CENPH: variants seen among roughly 807,000 people sequenced by gnomAD.
The protein encoded by CENPH is CENP-H.
Under a neutral mutation model 42.9 loss-of-function variants are expected in CENPH, and 40 were observed. The ratio of observed to expected loss-of-function variants is 0.93; its 90% CI spans 0.72 to 1.21. The LOEUF (loss-of-function observed/expected upper bound fraction) is 1.21. CENPH is among the 50% of genes most tolerant of loss of function. The pLI, the probability that CENPH is intolerant of heterozygous loss-of-function variation, is 0.00. For synonymous variants in CENPH, 88 were observed against 96.5 expected (o/e 0.91, Z 0.52); for missense variants, 302 against 292.9 (o/e 1.03, Z -0.23).
intron 4 of CENPH, among the ~76,000 whole-genome samples, chr5:69,196,402 C>T (rs1437200298): frequency 6.6e-6 from 1 of 152,020 alleles, no homozygotes; most frequent in African/African-American, 2.4e-5. Context: ...CCCAGCACTT[C>T]GGGAGGCCAA....
rs747700391 is a variant in CENPH, at chr5:69,191,819, A to G, written c.159A>G (p.Gln53=). ...LLRLRAQTKQ[Q]LLEYKSMVDA... is the part of the protein sequence containing the mutation. ...GGCTGAGAGCACAGACAAAACAACA[A>G]CTCTTAGAATATAAATCAATGGTTG... Residue 53 remains glutamine (Q), a synonymous_variant, in exon 2 of 9, where the codon CAA becomes CAG. Coordinates refer to ENST00000283006, the MANE Select transcript of CENPH (RefSeq NM_022909.4). 7 of 1,553,448 alleles carry G rather than the reference A, an allele frequency of 4.5e-6. No homozygotes were observed. The East Asian group carries it at 1.3e-4, about 30-fold the overall frequency.
chr5:69,202,783 T>G, intron 6 of CENPH, 136 bp from the exon 7 acceptor site: 1 of 645,634 alleles, frequency 1.5e-6, no homozygotes, highest in Non-Finnish European at 2.7e-6. Context: ...GTCTTCCTTT[T>G]GCTGTCTGGA....
intron 7 of CENPH, among the ~76,000 whole-genome samples, chr5:69,207,371 T>G (rs1266901719): frequency 6.6e-6 from 1 of 151,834 alleles, no homozygotes; most frequent in Non-Finnish European, 1.5e-5. Flanking sequence ...GTATTTTTCA[T>G]AGAGATGGGG....
intron 5 of CENPH, among the ~76,000 whole-genome samples, chr5:69,197,718 G>A (rs1015143903): frequency 6.6e-6 from 1 of 151,554 alleles, no homozygotes; most frequent in Non-Finnish European, 1.5e-5. Flanking sequence ...CGAGTTAATG[G>A]GTGCAGCACA....
chr5:69,194,936 TA>T (rs1243486203), intron 3 of CENPH, among the ~76,000 whole-genome samples: 18 of 140,716 alleles, frequency 1.3e-4, no homozygotes, highest in African/African-American at 4.8e-4. Flanking sequence ...TTTTTTTTTT[TA>T]AATATTTTAG....
chr5:69,192,070 G>A (rs1747882109), intron 2 of CENPH, among the ~76,000 whole-genome samples: 1 of 151,956 alleles, frequency 6.6e-6, no homozygotes. Flanking sequence ...TATTTTTTTT[G>A]TAGACACAGG....
chr5:69,194,752 C>A, intron 3 of CENPH, 57 bp downstream of exon 3: 1 of 1,135,464 alleles, frequency 8.8e-7, no homozygotes, highest in Non-Finnish European at 1.3e-6. Flanking sequence ...ATCATATTTT[C>A]TATTATTTTG....
At chr5:69,193,464 T>TA (rs552655667) in intron 2 of CENPH, among the ~76,000 whole-genome samples, 2 of 151,050 alleles carry the variant, frequency 1.3e-5, no homozygotes, top group Admixed American at 1.3e-4. Flanking sequence ...CCCCCACCTC[T>TA]AAAAAAAACA....
At chr5:69,200,611 C>T (rs1748041179) in intron 5 of CENPH, among the ~76,000 whole-genome samples, 1 of 150,768 alleles carries the variant, frequency 6.6e-6, no homozygotes, top group African/African-American at 2.4e-5. Flanking sequence ...TTGACCTTCT[C>T]AGTTAGTTGC....
rs370130299 is a variant in CENPH at position 69,189,583 on chromosome 5, C to T, written c.-52C>T. The T allele has an allele frequency of 1.1e-5, 16 of 1,504,208 alleles. No homozygotes were observed. Among genetic ancestry groups the T allele is most frequent in the East Asian group, 7.7e-5 (3 of 39,098 alleles). The allele number at this position is 1,504,208 out of a possible 1,614,324, so 93.2% of individuals were successfully genotyped here. A position where few individuals can be genotyped will look rare whatever the true frequency, so the allele number is the denominator to read the frequency against. ...TCCATTTAGTGGCGGGAAAAGCGAC[C>T]TTTTCTGAGCGCGTTTGCCTGTTGA... is the stretch of plus-strand genomic sequence containing the variant. On this transcript the variant is annotated 5_prime_UTR_variant, in exon 1 of 9. Coordinates refer to ENST00000283006, the MANE Select transcript of CENPH (RefSeq NM_022909.4).
At chr5:69,191,642 G>T (rs1747873837) in intron 1 of CENPH, among the ~76,000 whole-genome samples, 153 bp from the exon 2 acceptor site, 1 of 152,082 alleles carries the variant, frequency 6.6e-6, no homozygotes, top group Non-Finnish European at 1.5e-5. Context: ...ATAAAATGAG[G>T]CCAAATTAGA....
chr5:69,190,552 C>T (rs1195266024), intron 1 of CENPH, among the ~76,000 whole-genome samples: 1 of 152,114 alleles, frequency 6.6e-6, no homozygotes, highest in African/African-American at 2.4e-5. Flanking sequence ...ATTTGCGGTC[C>T]TCTGTTCTAT....
At position 69,202,564 on chromosome 5, in the gene CENPH, C is replaced by T; in HGVS notation, c.430C>T (p.Gln144Ter). ...LELNKLIMKS[Q>*]QESWDLEEKL... Reference sequence around the variant, plus strand: ...GCTAAATAAATTAATAATGAAATCACAGCAGGTAAACTTACACATTAGGCT... The same window carrying T: ...GCTAAATAAATTAATAATGAAATCATAGCAGGTAAACTTACACATTAGGCT... The change falls in exon 6 of 9, where the codon CAG becomes TAG. Residue 144 changes from glutamine (Q) to a stop codon, truncating the protein, a stop_gained. Transcript: ENST00000283006. LOFTEE classifies it high-confidence loss of function. The T allele has an allele frequency of 6.5e-7, 1 of 1,543,848 alleles. No homozygotes were observed. The highest frequency in any genetic ancestry group is 2.3e-5 in the East Asian group (1 of 44,072).
intron 4 of CENPH, 35 bp downstream of exon 4, chr5:69,195,826 C>T (rs751178961): frequency 9.5e-7 from 1 of 1,051,712 alleles, no homozygotes; most frequent in South Asian, 1.4e-5. Flanking sequence ...GCATTGTGAA[C>T]TGACTGCAAA....
chr5:69,189,728 C>G lies in CENPH; in HGVS notation c.94C>G (p.Gln32Glu). 1 of 1,556,912 alleles carries G rather than the reference C, an allele frequency of 6.4e-7. No homozygotes were observed. The highest frequency in any genetic ancestry group is 8.7e-7 in the Non-Finnish European group (1 of 1,154,552). Residue 32 changes from glutamine to glutamate, a missense_variant, in exon 1 of 9, where the codon CAG becomes GAG. Coordinates refer to ENST00000283006, the MANE Select transcript of CENPH (RefSeq NM_022909.4). ...CGGGCCACCGCAGGTCGCCGGCGCC[C>G]AGGCGGCGTGCAGCGAGGACCGCAT... ...AGGPPQVAGAQAACSEDRMTL... is the reference protein window; with the variant it reads ...AGGPPQVAGAEAACSEDRMTL...
At chr5:69,196,054 T>G (rs535569782) in intron 4 of CENPH, among the ~76,000 whole-genome samples, 1 of 151,114 alleles carries the variant, frequency 6.6e-6, no homozygotes, top group Non-Finnish European at 1.5e-5. Flanking sequence ...TCCTCCTGCC[T>G]CAGCCTCTGG....
intron 7 of CENPH, among the ~76,000 whole-genome samples, chr5:69,203,626 C>T (rs1026578133): frequency 1.3e-5 from 2 of 151,996 alleles, no homozygotes; most frequent in Admixed American, 6.6e-5. Flanking sequence ...GCCTCGGCCT[C>T]TCAAAGTGCT....
chr5:69,202,396 G>C, intron 5 of CENPH, 110 bp from the exon 6 acceptor site: 2 of 668,638 alleles, frequency 3.0e-6, no homozygotes, highest in Non-Finnish European at 5.3e-6. Context: ...GTGTACGGTG[G>C]ATTTAATGAA....
intron 5 of CENPH, among the ~76,000 whole-genome samples, chr5:69,198,884 G>A (rs1748010894): frequency 2.0e-5 from 3 of 152,076 alleles, no homozygotes; most frequent in Admixed American, 2.0e-4. Flanking sequence ...TCATGGGGCT[G>A]CAGTAAGCTG....
Sources: gnomAD v4.1 joint callset for allele counts (sites outside exome capture counted in the v4.1 genomes callset) on GRCh38, gnomAD v4.1.1 for gene constraint, MANE v1.5 for transcripts, NCBI Gene and HGNC (gene_info 2026-07-23, HGNC 2026-07-21) for gene names.